Variants in SIPA1L3 observed in about 807,000 individuals in gnomAD.
The protein encoded by SIPA1L3 is signal induced proliferation associated 1 like 3.
A neutral mutation model predicts 150.1 loss-of-function variants in SIPA1L3; 59 were observed. The observed-to-expected ratio is 0.39, with a 90% CI of 0.32 to 0.49. SIPA1L3 has a LOEUF of 0.49. SIPA1L3 is among the 20% of genes least tolerant of loss of function. The probability of loss-of-function intolerance (pLI) is 0.86; values close to 1 mark genes in which losing one functional copy is unlikely to be tolerated. For synonymous variants in SIPA1L3, 1,070 were observed against 1,077.6 expected, an observed-to-expected ratio of 0.99 and a Z score of 0.14; for missense variants, 2,211 against 2,489.5, an observed-to-expected ratio of 0.89 and a Z score of 2.38.
At chr19:37,956,898 C>T (rs1259786907) in intron 1 of SIPA1L3, among the ~76,000 whole-genome samples, 1 of 152,172 alleles carries the variant, frequency 6.6e-6, no homozygotes, top group African/African-American at 2.4e-5. Flanking sequence ...GTTCTTCTTT[C>T]ATGTTTTCTC....
intron 1 of SIPA1L3, among the ~76,000 whole-genome samples, chr19:37,997,786 A>C (rs1472427499): frequency 6.6e-6 from 1 of 151,446 alleles, no homozygotes; most frequent in East Asian, 1.9e-4. Context: ...GAATCGCTTG[A>C]ACCTGGGAGG....
At chr19:38,048,506 C>T (rs1267069318) in intron 2 of SIPA1L3, among the ~76,000 whole-genome samples, 3 of 152,182 alleles carry the variant, frequency 2.0e-5, no homozygotes, top group African/African-American at 7.2e-5. Flanking sequence ...ACGTGCCCCT[C>T]AACCAGGCCG....
intron 1 of SIPA1L3, among the ~76,000 whole-genome samples, chr19:37,931,707 A>T (rs1382654798): frequency 2.6e-5 from 4 of 152,142 alleles, no homozygotes; most frequent in Non-Finnish European, 5.9e-5. Context: ...CTGAGATCGC[A>T]TCACTGCACT....
chr19:37,988,877 C>T (rs912013636), intron 1 of SIPA1L3, among the ~76,000 whole-genome samples: 14 of 152,106 alleles, frequency 9.2e-5, no homozygotes, highest in Admixed American at 3.3e-4. Flanking sequence ...CTGCGCGGGC[C>T]GTCCTCCCTC....
chr19:38,096,101 C>T (rs1428347160), intron 4 of SIPA1L3, among the ~76,000 whole-genome samples: 2 of 152,134 alleles, frequency 1.3e-5, no homozygotes, highest in African/African-American at 4.8e-5. Context: ...TCATTCTATT[C>T]CTTCCACACA....
intron 1 of SIPA1L3, among the ~76,000 whole-genome samples, chr19:37,969,539 T>A (rs2046935069): frequency 6.6e-6 from 1 of 152,104 alleles, no homozygotes; most frequent in South Asian, 2.1e-4. Flanking sequence ...GTGACAGAGT[T>A]ATACTGTGTC....
chr19:38,119,456 C>G lies in SIPA1L3; in HGVS notation c.2442C>G (p.His814Gln). The G allele has an allele frequency of 6.2e-7, 1 of 1,614,210 alleles. No homozygotes were observed. The highest frequency in any genetic ancestry group is 8.5e-7 in the Non-Finnish European group (1 of 1,180,046). ...ENAAHKSDKF[H>Q]TMATRTRQEY... is the part of the protein sequence containing the mutation. ...CCGCGCACAAGTCCGACAAGTTCCA[C>G]ACCATGGCCACCAGGACCCGCCAGG... Residue 814 changes from histidine (H) to glutamine (Q), a missense_variant, in exon 9 of 22, where the codon CAC (histidine) becomes CAG (glutamine). His to Gln is a conservative substitution (Grantham distance 24). This residue lies in a region of SIPA1L3 where 625 missense variants were observed against 804.2 expected (regional missense o/e 0.78). Coordinates refer to ENST00000222345, the MANE Select transcript of SIPA1L3 (RefSeq NM_015073.3).
chr19:37,918,180 G>A (rs901479737), intron 1 of SIPA1L3, among the ~76,000 whole-genome samples: 1 of 152,092 alleles, frequency 6.6e-6, no homozygotes. Flanking sequence ...GAGTTGGGAG[G>A]AGGGTGAGCA....
At chr19:37,927,214 G>A (rs996193105) in intron 1 of SIPA1L3, among the ~76,000 whole-genome samples, 2 of 145,568 alleles carry the variant, frequency 1.4e-5, no homozygotes, top group Non-Finnish European at 3.0e-5. Flanking sequence ...CGCAATTTCA[G>A]CTCAGTGCAA....
chr19:38,171,080 T>C (rs766115646), intron 15 of SIPA1L3, among the ~76,000 whole-genome samples: 60 of 152,152 alleles, frequency 3.9e-4, no homozygotes, highest in Non-Finnish European at 6.9e-4. Context: ...GAATTTCTCA[T>C]TCAGAAGAAT....
chr19:37,923,689 A>T (rs925671942), intron 1 of SIPA1L3, among the ~76,000 whole-genome samples: 2 of 152,068 alleles, frequency 1.3e-5, no homozygotes, highest in African/African-American at 4.8e-5. Flanking sequence ...TTTCCTCAAT[A>T]ATACATTAAC....
chr19:38,074,521 G>A (rs746201545), intron 2 of SIPA1L3, among the ~76,000 whole-genome samples: 2 of 152,228 alleles, frequency 1.3e-5, no homozygotes, highest in Non-Finnish European at 2.9e-5. Flanking sequence ...GCCCTCAGGC[G>A]GGCCATCATC....
chr19:38,005,752 G>A (rs535925712), intron 1 of SIPA1L3, among the ~76,000 whole-genome samples: 2 of 152,316 alleles, frequency 1.3e-5, no homozygotes, highest in East Asian at 3.9e-4. Context: ...AAGGAGAAAG[G>A]GAAAGCGGAG....
At chr19:37,935,915 C>A (rs1307058252) in intron 1 of SIPA1L3, among the ~76,000 whole-genome samples, 1 of 152,160 alleles carries the variant, frequency 6.6e-6, no homozygotes, top group Non-Finnish European at 1.5e-5. Context: ...GGGCACCTTT[C>A]TATCCTGGCT....
chr19:38,151,414 TCA>T (rs1971819786), intron 12 of SIPA1L3, among the ~76,000 whole-genome samples: 2 of 152,196 alleles, frequency 1.3e-5, no homozygotes, highest in African/African-American at 4.8e-5. Context: ...TGAGCGCTGG[TCA>T]CATGACTCCA....
At chr19:38,079,850 C>G (rs1969937213) in intron 2 of SIPA1L3, among the ~76,000 whole-genome samples, 1 of 152,176 alleles carries the variant, frequency 6.6e-6, no homozygotes, top group South Asian at 2.1e-4. Context: ...GCCACCGTGC[C>G]CAGCCGGAAG....
chr19:38,066,001 T>TATTTATTC (rs945520074), intron 2 of SIPA1L3, among the ~76,000 whole-genome samples: 2 of 132,440 alleles, frequency 1.5e-5, no homozygotes, highest in Non-Finnish European at 3.5e-5. Flanking sequence ...TTTATTTATT[T>TATTTATTC]ATTTATTTAT....
intron 1 of SIPA1L3, among the ~76,000 whole-genome samples, chr19:37,976,108 A>AAAAAAAAAAG: frequency 7.4e-6 from 1 of 134,654 alleles, no homozygotes. Context: ...CTGTCTTAAA[A>AAAAAAAAAAG]AAAAAAAAAA....
At chr19:38,161,841 A>C (rs756569051) in intron 13 of SIPA1L3, among the ~76,000 whole-genome samples, 1 of 151,528 alleles carries the variant, frequency 6.6e-6, no homozygotes, top group Non-Finnish European at 1.5e-5. Flanking sequence ...TGAGGCCAGG[A>C]GTTCAAGACC....
Sources: gnomAD v4.1 joint callset for allele counts (sites outside exome capture counted in the v4.1 genomes callset) on GRCh38, gnomAD v4.1.1 for gene constraint, gnomAD v4.1.1 regional missense constraint, MANE v1.5 for transcripts, NCBI Gene and HGNC (gene_info 2026-07-23, HGNC 2026-07-21) for gene names.